The following ITSN1 variants were observed in gnomAD, a reference collection of about 807,000 sequenced individuals.
The protein encoded by ITSN1 is intersectin 1.
Under a neutral mutation model 239.8 loss-of-function variants are expected in ITSN1, and 58 were observed. The observed-to-expected ratio is 0.24, with a 90% CI of 0.20 to 0.30. The LOEUF (loss-of-function observed/expected upper bound fraction) is 0.30, where lower values mean the gene tolerates loss of function less well. Ranked by LOEUF, ITSN1 falls within the 10% of genes least tolerant of loss-of-function variation. The pLI is 1.00. For missense variants in ITSN1, 1,558 were observed against 2,103.3 expected (o/e 0.74, Z 5.07); for synonymous variants, 780 against 770.8 (o/e 1.01, Z -0.20).
chr21:33,802,510 G>T, intron 20 of ITSN1, 66 bp downstream of exon 20: 1 of 1,520,936 alleles, frequency 6.6e-7, no homozygotes, highest in South Asian at 1.1e-5. Context: ...TAAGTCACTT[G>T]AATTCTGTGT....
At chr21:33,780,918 T>G (rs987559840) in intron 14 of ITSN1, among the ~76,000 whole-genome samples, 8 of 152,240 alleles carry the variant, frequency 5.3e-5, no homozygotes, top group African/African-American at 1.9e-4. Flanking sequence ...TGTGTACCTG[T>G]TTAAAATTCC....
intron 16 of ITSN1, among the ~76,000 whole-genome samples, chr21:33,794,075 C>G (rs1172309176): frequency 6.6e-6 from 1 of 152,152 alleles, no homozygotes; most frequent in East Asian, 1.9e-4. Flanking sequence ...CACCTCCTGC[C>G]CTTCGCTAGC....
At chr21:33,687,618 A>C (rs1446995101) in intron 1 of ITSN1, among the ~76,000 whole-genome samples, 1 of 152,144 alleles carries the variant, frequency 6.6e-6, no homozygotes, top group African/African-American at 2.4e-5. Context: ...CAAACATGTT[A>C]ACTTTGAAAA....
intron 20 of ITSN1, among the ~76,000 whole-genome samples, chr21:33,804,592 C>T (rs755540361): frequency 4.6e-5 from 7 of 152,134 alleles, no homozygotes; most frequent in African/African-American, 7.2e-5. Context: ...GGCTTAGATG[C>T]GTAGAAAATA....
intron 1 of ITSN1, among the ~76,000 whole-genome samples, chr21:33,705,037 G>A (rs1385373329): frequency 6.6e-6 from 1 of 151,008 alleles, no homozygotes; most frequent in East Asian, 1.9e-4. Context: ...CGTGAACCTG[G>A]GAGGCAGAGG....
chr21:33,753,761 TAAAAAA>T lies in ITSN1; in HGVS notation c.624-1513_624-1508del, dbSNP rs760085854. Among the ~76,000 whole-genome samples the T allele has an allele frequency of 6.1e-5, 5 of 81,764 alleles. 1 individual carries two copies. The highest frequency in any genetic ancestry group is 2.8e-4 in the African/African-American group (5 of 17,574). 53.6% of individuals were successfully genotyped at this position (81,764 alleles called of 152,430 possible). A position where few individuals can be genotyped will look rare whatever the true frequency, so the allele number is the denominator to read the frequency against. On this transcript the variant is annotated intron_variant, in intron 7 of 39. Coordinates refer to ENST00000381318, the MANE Select transcript of ITSN1 (RefSeq NM_003024.3). ...TGGGTGACACGGCAAGTCTCTTTCT[TAAAAAA>T]AAAAAAAAAAAAAAAAAAAAAATTC...
At chr21:33,784,782 T>C (rs960951623) in intron 16 of ITSN1, among the ~76,000 whole-genome samples, 1 of 152,178 alleles carries the variant, frequency 6.6e-6, no homozygotes, top group Admixed American at 6.5e-5. Flanking sequence ...GAAAATGAAA[T>C]ACTTTTTTTG....
At chr21:33,718,687 C>G in intron 1 of ITSN1, 110 bp from the exon 2 acceptor site, 1 of 733,254 alleles carries the variant, frequency 1.4e-6, no homozygotes, top group Non-Finnish European at 2.4e-6. Flanking sequence ...TAGAGCTATG[C>G]TCTGGCTCTA....
intron 19 of ITSN1, among the ~76,000 whole-genome samples, chr21:33,801,101 G>A (rs1359428921): frequency 6.6e-6 from 1 of 151,812 alleles, no homozygotes; most frequent in Non-Finnish European, 1.5e-5. Context: ...GAATTGCCTG[G>A]GCTCAAACGA....
rs1391129205 is a variant in ITSN1, at chr21:33,894,310, G to A, written c.*6010G>A. On this transcript the variant is annotated 3_prime_UTR_variant, in exon 40 of 40. Coordinates refer to ENST00000381318, the MANE Select transcript of ITSN1 (RefSeq NM_003024.3). ...AACCCTCTTTACCCTGGCCCTGGGGGAGCCATATTACACCCACATCATAAT... is the reference window on the plus strand; with the variant it reads ...AACCCTCTTTACCCTGGCCCTGGGGAAGCCATATTACACCCACATCATAAT... 1 of 152,166 alleles carries A rather than the reference G, an allele frequency of 6.6e-6. No homozygotes were observed. The highest frequency in any genetic ancestry group is 1.5e-5 in the Non-Finnish European group (1 of 68,044). 9.4% of individuals were successfully genotyped at this position (152,166 alleles called of 1,614,324 possible). A position where few individuals can be genotyped will look rare whatever the true frequency, so the allele number is the denominator to read the frequency against.
intron 8 of ITSN1, among the ~76,000 whole-genome samples, chr21:33,759,973 C>T (rs925027113): frequency 6.6e-6 from 1 of 151,958 alleles, no homozygotes; most frequent in South Asian, 2.1e-4. Flanking sequence ...TGTGGTGGCG[C>T]ATGCCTGTAG....
Position 33,784,646 on chromosome 21 carries a change from C to G in ITSN1, c.1824+2513C>G, listed in dbSNP as rs145821091. On this transcript the variant is annotated intron_variant, in intron 16 of 39. Transcript: ENST00000381318. Reference sequence around the variant, plus strand: ...GTATTCCTCTCAAACCTGATAAAGCCAAAACAAACAATTAAATTGGAGAAT... The same window carrying G: ...GTATTCCTCTCAAACCTGATAAAGCGAAAACAAACAATTAAATTGGAGAAT... 7.6e-3 allele frequency among the ~76,000 whole-genome samples: 1,163 copies of G among 152,142 alleles called. 14 individuals carry two copies. The highest frequency in any genetic ancestry group is 0.027 in the African/African-American group (1,109 of 41,480).
intron 7 of ITSN1, among the ~76,000 whole-genome samples, chr21:33,753,193 TA>T (rs2067672467): frequency 6.6e-6 from 1 of 151,162 alleles, no homozygotes; most frequent in African/African-American, 2.4e-5. Context: ...AAGTTTTCTC[TA>T]AAAAACTTAA....
At position 33,823,609 on chromosome 21, in the gene ITSN1, G is replaced by A; in HGVS notation, c.3139G>A (p.Ala1047Thr). The change falls in exon 25 of 40, where the codon GCC (alanine) becomes ACC (threonine). Residue 1047 changes from alanine to threonine, a missense_variant. Physicochemically the swap from Ala to Thr is moderately conservative, Grantham distance 58. Transcript: ENST00000381318. ...DWWTGTVGDK[A>T]GVFPSNYVRL... ...GTGGACAGGAACAGTGGGCGACAAG[G>A]CCGGAGTCTTCCCTTCTAACTATGT... The A allele has an allele frequency of 1.2e-6, 2 of 1,614,164 alleles. No individual in the cohort carries two copies. The highest frequency in any genetic ancestry group is 1.7e-6 in the Non-Finnish European group (2 of 1,180,022).
chr21:33,669,724 A>T (rs995551202), intron 1 of ITSN1, among the ~76,000 whole-genome samples: 3 of 152,042 alleles, frequency 2.0e-5, no homozygotes, highest in African/African-American at 7.2e-5. Context: ...TACAGGCGTG[A>T]GCCACCGCTC....
chr21:33,820,004 A>G (rs2073565478), intron 24 of ITSN1, among the ~76,000 whole-genome samples: 1 of 152,202 alleles, frequency 6.6e-6, no homozygotes. Context: ...AATAAAATAA[A>G]ATAAAATAAA....
chr21:33,704,204 CT>C (rs1214751381), intron 1 of ITSN1, among the ~76,000 whole-genome samples: 1 of 152,162 alleles, frequency 6.6e-6, no homozygotes, highest in Non-Finnish European at 1.5e-5. Context: ...CGTCAGGAAG[CT>C]TTTCCTTTTT....
At chr21:33,868,130 T>C (rs1981993986) in intron 33 of ITSN1, among the ~76,000 whole-genome samples, 1 of 152,158 alleles carries the variant, frequency 6.6e-6, no homozygotes, top group Non-Finnish European at 1.5e-5. Flanking sequence ...CCCACCCACA[T>C]CCTGCTGATT....
chr21:33,646,398 A>G (rs560308207), intron 1 of ITSN1, among the ~76,000 whole-genome samples: 2 of 152,374 alleles, frequency 1.3e-5, no homozygotes, highest in East Asian at 1.9e-4. Flanking sequence ...TTTATAAACC[A>G]TAAGTCCAAC....
Sources: gnomAD v4.1 joint callset for allele counts (sites outside exome capture counted in the v4.1 genomes callset) on GRCh38, gnomAD v4.1.1 for gene constraint, MANE v1.5 for transcripts, NCBI Gene and HGNC (gene_info 2026-07-23, HGNC 2026-07-21) for gene names.